Variants in CMTM2 observed in about 807,000 individuals in gnomAD.
CMTM2 encodes CKLF like MARVEL transmembrane domain containing 2, also known as CKLF-like MARVEL transmembrane domain-containing protein 2.
Under a neutral mutation model 16.8 loss-of-function variants are expected in CMTM2, and 15 were observed. That is an observed-to-expected ratio of 0.89 (90% CI 0.60 to 1.37). The LOEUF (loss-of-function observed/expected upper bound fraction) is 1.37, where lower values mean the gene tolerates loss of function less well. Among genes scored for constraint, CMTM2 ranks in the 40% most tolerant of loss-of-function variants. The pLI is 0.00. For missense variants in CMTM2, 282 were observed against 318.0 expected, an observed-to-expected ratio of 0.89 and a Z score of 0.86; for synonymous variants, 117 against 118.7, an observed-to-expected ratio of 0.99 and a Z score of 0.09.
intron 2 of CMTM2, among the ~76,000 whole-genome samples, chr16:66,584,444 C>T (rs990802763): frequency 5.3e-5 from 8 of 152,142 alleles, no homozygotes; most frequent in East Asian, 1.9e-4. Flanking sequence ...CATGTGAAAA[C>T]GTAGTGAGAA....
intron 3 of CMTM2, 75 bp from the exon 4 acceptor site, chr16:66,587,843 GA>G: frequency 6.9e-7 from 1 of 1,457,362 alleles, no homozygotes; most frequent in South Asian, 1.2e-5. Flanking sequence ...ACCCCCTGAT[GA>G]ATGAGAAACC....
chr16:66,588,138 T>C lies in CMTM2; in HGVS notation c.*19T>C, dbSNP rs2014817455. The stretch of plus-strand genomic sequence containing the variant: ...GAAATGACTTGGAGGAGGCTCCTGG[T>C]GTCTGAAACGGCAGTGTATTTTACA... On this transcript the variant is annotated 3_prime_UTR_variant, in exon 4 of 4. Transcript: ENST00000268595. 6.2e-7 allele frequency: 1 copy of C among 1,608,176 alleles called. No individual in the cohort carries two copies.
At chr16:66,583,070 T>C (rs1214595888) in intron 2 of CMTM2, among the ~76,000 whole-genome samples, 1 of 152,028 alleles carries the variant, frequency 6.6e-6, no homozygotes, top group Admixed American at 6.6e-5. Flanking sequence ...AAAAATCTAA[T>C]AGAATTATCT....
In CMTM2 at chr16:66,587,071, C is replaced by T; in HGVS notation, c.519C>T (p.Ser173=). The change falls in exon 3 of 4, where the codon TCC becomes TCT. Residue 173 remains serine, a synonymous_variant. Transcript: ENST00000268595. ...AVVFAVRSRR[S]MNLHYLLAVI... ...TCTTTGCTGTGAGAAGTCGGCGATCCATGAATCTCCACTACTTACTTGCTG... is the reference window on the plus strand; with the variant it reads ...TCTTTGCTGTGAGAAGTCGGCGATCTATGAATCTCCACTACTTACTTGCTG... 6.2e-7 allele frequency: 1 copy of T among 1,614,074 alleles called. No homozygotes were observed. Among genetic ancestry groups the T allele is most frequent in the South Asian group, 1.1e-5 (1 of 91,080 alleles).
In CMTM2 at chr16:66,579,822, G is replaced by C. The variant is rs772287237; in HGVS notation, c.215G>C (p.Arg72Pro). The C allele has an allele frequency of 6.2e-7, 1 of 1,613,876 alleles. No homozygotes were observed. The highest frequency in any genetic ancestry group is 8.5e-7 in the Non-Finnish European group (1 of 1,180,008). Residue 72 changes from arginine to proline, a missense_variant, in exon 1 of 4, where the codon CGG becomes CCG. Arg to Pro is a moderately radical substitution (Grantham distance 103, BLOSUM62 -2). Coordinates refer to ENST00000268595, the MANE Select transcript of CMTM2 (RefSeq NM_144673.3). The surrounding 1 kb of genome is among the most constrained non-coding windows in gnomAD (Gnocchi z 6.5). ...ACGAGGAGGGGGTGTCGCCGCTACC[G>C]GTGGGAATTAAAAGACAGCAATAAA... is the stretch of plus-strand genomic sequence containing the variant. ...VGTRRGCRRY[R>P]WELKDSNKEF...
Position 66,580,192 on chromosome 16 carries a change from A to G in CMTM2, c.444+8A>G. On this transcript the variant is annotated splice_region_variant and intron_variant, in intron 2 of 3. Transcript: ENST00000268595. ...ATCCTGTGGCCCATTTCTGTAAGTA[A>G]GGGGTGATGGGGAGTGCCTGCATCC... 6.2e-7 allele frequency: 1 copy of G among 1,614,022 alleles called. No homozygotes were observed. Among genetic ancestry groups the G allele is most frequent in the Non-Finnish European group, 8.5e-7 (1 of 1,179,926 alleles).
chr16:66,586,488 A>C (rs2014794447), intron 2 of CMTM2, among the ~76,000 whole-genome samples: 1 of 147,378 alleles, frequency 6.8e-6, no homozygotes, highest in Non-Finnish European at 1.5e-5. Context: ...AAATACACAC[A>C]AAAAAAAAAT....
At chr16:66,587,158 G>A (rs2014803252) in intron 3 of CMTM2, 60 bp downstream of exon 3, 3 of 1,299,314 alleles carry the variant, frequency 2.3e-6, no homozygotes, top group South Asian at 2.4e-5. Flanking sequence ...TGGAGGATGG[G>A]TGTTGTCCTC....
intron 2 of CMTM2, among the ~76,000 whole-genome samples, chr16:66,581,649 C>T (rs2014736912): frequency 6.6e-6 from 1 of 152,218 alleles, no homozygotes; most frequent in Non-Finnish European, 1.5e-5. Flanking sequence ...GAAAGACTAC[C>T]TCCTTAGGGA....
intron 2 of CMTM2, among the ~76,000 whole-genome samples, chr16:66,581,856 C>A (rs1010290457): frequency 1.3e-5 from 2 of 152,178 alleles, no homozygotes; most frequent in African/African-American, 4.8e-5. Context: ...AGCCCAGAAA[C>A]CTTCATCCCT....
Position 66,586,982 on chromosome 16 carries a change from C to A in CMTM2, c.445-15C>A, listed in dbSNP as rs1391526027. 1 of 1,604,448 alleles carries A rather than the reference C, an allele frequency of 6.2e-7. No homozygotes were observed. Among genetic ancestry groups the A allele is most frequent in the Non-Finnish European group, 8.5e-7 (1 of 1,171,246 alleles). Reference sequence around the variant, plus strand: ...CCTGGCTTTGGCTGAGGCTGACTAACCTCTCCACCTTCAGGACCTCTTCAA... The same window carrying A: ...CCTGGCTTTGGCTGAGGCTGACTAAACTCTCCACCTTCAGGACCTCTTCAA... On this transcript the variant is annotated splice_polypyrimidine_tract_variant and intron_variant, in intron 2 of 3. Transcript: ENST00000268595.
intron 3 of CMTM2, among the ~76,000 whole-genome samples, chr16:66,587,629 G>A (rs932407473): frequency 5.9e-5 from 9 of 152,070 alleles, no homozygotes; most frequent in East Asian, 1.9e-4. Context: ...GATGATGTCC[G>A]GGGAGCCAGC....
chr16:66,585,064 A>C (rs761185359), intron 2 of CMTM2, among the ~76,000 whole-genome samples: 108 of 150,308 alleles, frequency 7.2e-4, no homozygotes, highest in Non-Finnish European at 1.4e-3. Context: ...CTCCTGCCTC[A>C]GCCTCTTGAG....
At position 66,579,521 on chromosome 16, in the gene CMTM2, G is replaced by C; in HGVS notation, c.-87G>C. Reference sequence around the variant, plus strand: ...CTCTGAGCCGCTCGGTGGACACCAGGCACTCTAGTAGGCCTGGCCTACCCA... The same window carrying C: ...CTCTGAGCCGCTCGGTGGACACCAGCCACTCTAGTAGGCCTGGCCTACCCA... On this transcript the variant is annotated 5_prime_UTR_variant, in exon 1 of 4. Transcript: ENST00000268595. This position sits in a 1 kb window ranked among gnomAD's most constrained non-coding sequence, Gnocchi z 6.5. 1 of 1,528,560 alleles carries C rather than the reference G, an allele frequency of 6.5e-7. No individual in the cohort carries two copies. The highest frequency in any genetic ancestry group is 1.8e-5 in the Admixed American group (1 of 54,322). 94.7% of individuals were successfully genotyped at this position (1,528,560 alleles called of 1,614,324 possible).
rs754210253 is a variant in CMTM2 at position 66,580,030 on chromosome 16, G to A, written c.290G>A (p.Cys97Tyr). 4 of 1,614,154 alleles carry A rather than the reference G, an allele frequency of 2.5e-6. No individual in the cohort carries two copies. The highest frequency in any genetic ancestry group is 1.1e-5 in the South Asian group (1 of 91,086). Residue 97 changes from cysteine to tyrosine, a missense_variant, in exon 2 of 4, where the codon TGC becomes TAC. Coordinates refer to ENST00000268595, the MANE Select transcript of CMTM2 (RefSeq NM_144673.3). ...HAEIKIRSLG[C>Y]LIAAMILLSS... is the part of the protein sequence containing the mutation. ...GGTGTCTATGTCTCACTGCAGGGCT[G>A]CCTAATAGCTGCAATGATACTGTTG... is the stretch of plus-strand genomic sequence containing the variant.
At chr16:66,587,712 A>C (rs1325031135) in intron 3 of CMTM2, among the ~76,000 whole-genome samples, 1 of 152,196 alleles carries the variant, frequency 6.6e-6, no homozygotes, top group Non-Finnish European at 1.5e-5. Flanking sequence ...GAGAGAAAAG[A>C]AACAGAGATG....
intron 3 of CMTM2, 111 bp downstream of exon 3, chr16:66,587,209 G>C: frequency 1.1e-6 from 1 of 912,036 alleles, no homozygotes; most frequent in Non-Finnish European, 1.8e-6. Flanking sequence ...CAAAAGTCTT[G>C]GGATCAAAGC....
intron 2 of CMTM2, among the ~76,000 whole-genome samples, chr16:66,583,183 G>T (rs2014754208): frequency 6.6e-6 from 1 of 152,074 alleles, no homozygotes; most frequent in African/African-American, 2.4e-5. Context: ...TACCAACAAT[G>T]AACAATGAGA....
intron 2 of CMTM2, among the ~76,000 whole-genome samples, chr16:66,584,693 A>G (rs1288274834): frequency 6.6e-6 from 1 of 152,220 alleles, no homozygotes; most frequent in Non-Finnish European, 1.5e-5. Flanking sequence ...AGCATTATAG[A>G]ACAGTTGAAT....
Sources: allele counts gnomAD v4.1 joint callset (sites outside exome capture counted in the v4.1 genomes callset), GRCh38; gene constraint gnomAD v4.1.1; non-coding constraint Gnocchi (gnomAD v3.1); transcripts MANE v1.5; gene names NCBI Gene and HGNC (gene_info 2026-07-23, HGNC 2026-07-21).